The following DCC variants were observed in gnomAD, a reference collection of about 807,000 sequenced individuals.
DCC encodes netrin receptor DCC.
DCC carries 58 observed loss-of-function variants against 172.5 expected under a neutral mutation model. The ratio of observed to expected loss-of-function variants is 0.34; its 90% CI spans 0.27 to 0.42. The LOEUF (loss-of-function observed/expected upper bound fraction) is 0.42. Among genes scored for constraint, DCC ranks in the 10% least tolerant of loss-of-function variants. The pLI, the probability that DCC is intolerant of heterozygous loss-of-function variation, is 1.00. For synonymous variants in DCC, 709 were observed against 644.5 expected (o/e 1.10, Z -1.52); for missense variants, 1,740 against 1,791.0 (o/e 0.97, Z 0.51).
intron 22 of DCC, among the ~76,000 whole-genome samples, chr18:53,441,609 C>T (rs563485708): frequency 1.3e-5 from 2 of 152,168 alleles, no homozygotes; most frequent in Non-Finnish European, 2.9e-5. Flanking sequence ...TCTTTCCTCC[C>T]CCATATCCAA....
At chr18:52,484,802 A>T (rs1332625106) in intron 1 of DCC, among the ~76,000 whole-genome samples, 4 of 150,546 alleles carry the variant, frequency 2.7e-5, no homozygotes, top group Non-Finnish European at 5.9e-5. Context: ...TTATAGTAAA[A>T]TTTTTTAAAA....
chr18:52,396,568 T>A (rs937817897), intron 1 of DCC, among the ~76,000 whole-genome samples: 2 of 152,030 alleles, frequency 1.3e-5, no homozygotes, highest in Admixed American at 1.3e-4. Flanking sequence ...CCATCCCTTG[T>A]TAGGAAAAGG....
At chr18:53,176,910 C>A (rs2144469148) in intron 8 of DCC, among the ~76,000 whole-genome samples, 1 of 151,064 alleles carries the variant, frequency 6.6e-6, no homozygotes, top group South Asian at 2.1e-4. Context: ...TTCACAATAG[C>A]AAAGACTTGG....
At chr18:52,575,690 G>T (rs76219937) in intron 1 of DCC, among the ~76,000 whole-genome samples, 3,430 of 152,166 alleles carry the variant, frequency 0.023, 71 homozygotes, top group Non-Finnish European at 0.033. Flanking sequence ...GAAAAAGGAA[G>T]GCAATTTATG....
intron 27 of DCC, among the ~76,000 whole-genome samples, chr18:53,521,667 C>A (rs887745855): frequency 6.6e-6 from 1 of 152,012 alleles, no homozygotes; most frequent in African/African-American, 2.4e-5. Flanking sequence ...ATTGTAGATA[C>A]CTATGTTAGA....
chr18:53,031,485 C>T (rs1299406945), intron 5 of DCC, among the ~76,000 whole-genome samples: 1 of 151,866 alleles, frequency 6.6e-6, no homozygotes, highest in African/African-American at 2.4e-5. Context: ...CAATTCTTTT[C>T]TGTTGTAAGA....
intron 5 of DCC, among the ~76,000 whole-genome samples, chr18:53,054,981 G>T (rs764598379): frequency 6.6e-5 from 10 of 152,158 alleles, no homozygotes; most frequent in Middle Eastern, 3.4e-3. Context: ...TAGAATAAAA[G>T]AATCCCCTTA....
At chr18:52,978,647 G>T (rs890837508) in intron 5 of DCC, among the ~76,000 whole-genome samples, 1 of 152,150 alleles carries the variant, frequency 6.6e-6, no homozygotes, top group Non-Finnish European at 1.5e-5. Flanking sequence ...GTGTGAATCT[G>T]CAGGACTCAA....
chr18:52,819,220 CCCT>C (rs2038359953), intron 2 of DCC, among the ~76,000 whole-genome samples: 1 of 151,810 alleles, frequency 6.6e-6, no homozygotes, highest in Non-Finnish European at 1.5e-5. Flanking sequence ...GAGCTAATCA[CCCT>C]CCTCTTCCCA....
intron 15 of DCC, among the ~76,000 whole-genome samples, chr18:53,348,262 T>C (rs2057747787): frequency 6.6e-6 from 1 of 152,182 alleles, no homozygotes; most frequent in African/African-American, 2.4e-5. Context: ...CAAAGGGCTA[T>C]AGGCCCCATG....
chr18:53,096,984 A>G (rs1405880171), intron 7 of DCC, among the ~76,000 whole-genome samples: 1 of 152,174 alleles, frequency 6.6e-6, no homozygotes, highest in Non-Finnish European at 1.5e-5. Context: ...AAAGAAAGAA[A>G]GAAGAAAGGA....
intron 1 of DCC, among the ~76,000 whole-genome samples, chr18:52,398,611 T>C (rs1986321557): frequency 6.6e-6 from 1 of 151,960 alleles, no homozygotes; most frequent in South Asian, 2.1e-4. Flanking sequence ...GCAACATATA[T>C]GGTCTTATAT....
intron 7 of DCC, among the ~76,000 whole-genome samples, chr18:53,155,680 C>G (rs1332727702): frequency 1.3e-5 from 2 of 152,214 alleles, no homozygotes; most frequent in Non-Finnish European, 2.9e-5. Context: ...CTTTTCATTT[C>G]TGCTCTTAAT....
chr18:53,207,807 A>T lies in DCC; in HGVS notation c.1851A>T (p.Thr617=), dbSNP rs2055677335. ...CTACTGATGATATAACAGTGGTTAC[A>T]CTTTCTGACGGTAAGTTAAAAACAG... is the stretch of plus-strand genomic sequence containing the variant. ...GVSTDDITVV[T]LSDVPSAPPQ... Residue 617 remains threonine (T), a synonymous_variant, in exon 11 of 29, where the codon ACA becomes ACT. Transcript: ENST00000442544. 6.8e-6 allele frequency: 11 copies of T among 1,612,286 alleles called. No homozygotes were observed. Among genetic ancestry groups the T allele is most frequent in the Non-Finnish European group, 9.3e-6 (11 of 1,178,540 alleles).
intron 15 of DCC, among the ~76,000 whole-genome samples, chr18:53,351,418 C>CAGTATATATAT (rs1404641165): frequency 5.2e-5 from 1 of 19,256 alleles, no homozygotes; most frequent in Non-Finnish European, 8.6e-5. Flanking sequence ...TATATATATA[C>CAGTATATATAT]ACACTGTGTA....
chr18:52,821,310 ACCGAGGTGTATTCCTCTCTT>A (rs1356613522), intron 2 of DCC, among the ~76,000 whole-genome samples: 1 of 151,954 alleles, frequency 6.6e-6, no homozygotes, highest in Non-Finnish European at 1.5e-5. Flanking sequence ...CCTCTTTCCA[ACCGAGGTGTATTCCTCTCTT>A]CCCCTCCTTC....
intron 27 of DCC, among the ~76,000 whole-genome samples, chr18:53,522,031 T>C (rs1323443112): frequency 1.3e-5 from 2 of 152,122 alleles, no homozygotes; most frequent in African/African-American, 4.8e-5. Flanking sequence ...CAAACAAAAT[T>C]CAGGCAACAC....
chr18:53,071,405 G>T (rs2042649320), intron 7 of DCC, among the ~76,000 whole-genome samples: 1 of 152,118 alleles, frequency 6.6e-6, no homozygotes, highest in Non-Finnish European at 1.5e-5. Flanking sequence ...AAATCAAGAA[G>T]ATCAATGGTG....
intron 22 of DCC, among the ~76,000 whole-genome samples, chr18:53,449,986 T>C (rs147220915): frequency 1.3e-5 from 2 of 152,294 alleles, no homozygotes; most frequent in East Asian, 3.9e-4. Context: ...TTCATATAAA[T>C]AGAATCATAT....
Sources: allele counts gnomAD v4.1 joint callset (sites outside exome capture counted in the v4.1 genomes callset), GRCh38; gene constraint gnomAD v4.1.1; transcripts MANE v1.5; gene names NCBI Gene and HGNC (gene_info 2026-07-23, HGNC 2026-07-21).